USP3: variants seen among roughly 807,000 people sequenced by gnomAD.
USP3 encodes the protein ubiquitin specific peptidase 3.
USP3 carries 20 observed loss-of-function variants against 72.3 expected under a neutral mutation model. The observed-to-expected ratio is 0.28, with a 90% confidence interval of 0.19 to 0.40. The LOEUF (loss-of-function observed/expected upper bound fraction) is 0.40, where lower values mean the gene tolerates loss of function less well. USP3 is among the 10% of genes least tolerant of loss of function. The pLI is 1.00. For synonymous variants in USP3, 222 were observed against 225.3 expected, an observed-to-expected ratio of 0.99 and a Z score of 0.13; for missense variants, 479 against 633.9, an observed-to-expected ratio of 0.76 and a Z score of 2.62.
chr15:63,539,250 T>A (rs2152662807), intron 3 of USP3, among the ~76,000 whole-genome samples: 1 of 152,312 alleles, frequency 6.6e-6, no homozygotes, highest in Admixed American at 6.5e-5. Flanking sequence ...GAAGTATCTG[T>A]CTCACATTGT....
rs56410100 is a variant in USP3, at chr15:63,529,322, A to G, written c.92-3325A>G. On this transcript the variant is annotated intron_variant, in intron 1 of 14. Coordinates refer to ENST00000380324, the MANE Select transcript of USP3 (RefSeq NM_006537.4). This position sits in a 1 kb window ranked among gnomAD's most constrained non-coding sequence, Gnocchi z 4.2. ...TATCTGTCTGTCTAATTGATGCACA[A>G]TTCACATAACATAAAGTTAACCATC... Among the ~76,000 whole-genome samples, 2,170 of 152,176 alleles carry G rather than the reference A, an allele frequency of 0.014. 54 individuals carry two copies. The highest frequency in any genetic ancestry group is 0.05 in the African/African-American group (2,062 of 41,504).
At chr15:63,559,423 T>C (rs2066567721) in intron 6 of USP3, among the ~76,000 whole-genome samples, 1 of 152,240 alleles carries the variant, frequency 6.6e-6, no homozygotes, top group African/African-American at 2.4e-5. Context: ...CTCTTCTTGC[T>C]CAAAGAGGAA....
chr15:63,546,004 C>T (rs1173986537), intron 3 of USP3, among the ~76,000 whole-genome samples: 2 of 140,504 alleles, frequency 1.4e-5, no homozygotes, highest in African/African-American at 2.7e-5. Context: ...AACAGTAGAG[C>T]TCATCTTTTC....
chr15:63,583,979 C>G (rs747618894), intron 11 of USP3, among the ~76,000 whole-genome samples: 1 of 151,984 alleles, frequency 6.6e-6, no homozygotes, highest in Non-Finnish European at 1.5e-5. Flanking sequence ...TGGGTATATA[C>G]CTAAGAGTGG....
intron 11 of USP3, among the ~76,000 whole-genome samples, chr15:63,579,048 CA>C (rs2066911764): frequency 6.6e-6 from 1 of 152,080 alleles, no homozygotes; most frequent in African/African-American, 2.4e-5. Context: ...AAAGTTCAGG[CA>C]AAAAGCCAGC....
rs1209572173 is a variant in USP3 at position 63,594,414 on chromosome 15, T to G, written c.*3588T>G. The G allele has an allele frequency of 6.6e-6, 1 of 152,228 alleles. No individual in the cohort carries two copies. Among genetic ancestry groups the G allele is most frequent in the African/African-American group, 2.4e-5 (1 of 41,428 alleles). 9.4% of individuals were successfully genotyped at this position (152,228 alleles called of 1,614,324 possible). A position where few individuals can be genotyped will look rare whatever the true frequency, so the allele number is the denominator to read the frequency against. ...CTCTGCGTCTCGTCAGTGGGTGCAG[T>G]GCCTTCCCCCTCAGGTGTGAGCGTG... On this transcript the variant is annotated 3_prime_UTR_variant, in exon 15 of 15. Coordinates refer to ENST00000380324, the MANE Select transcript of USP3 (RefSeq NM_006537.4).
intron 7 of USP3, among the ~76,000 whole-genome samples, chr15:63,560,367 G>C (rs2066587915): frequency 6.7e-6 from 1 of 149,708 alleles, no homozygotes; most frequent in African/African-American, 2.5e-5. Flanking sequence ...GGTGAGCCGA[G>C]ATCGCGCCAC....
chr15:63,509,581 CT>C (rs1004521651), intron 1 of USP3, among the ~76,000 whole-genome samples: 11 of 152,226 alleles, frequency 7.2e-5, no homozygotes, highest in African/African-American at 2.4e-4. Flanking sequence ...ACAGGTGATA[CT>C]TTTTTCACAT....
At chr15:63,537,628 C>T (rs1028274089) in intron 3 of USP3, among the ~76,000 whole-genome samples, 4 of 152,182 alleles carry the variant, frequency 2.6e-5, no homozygotes, top group Admixed American at 1.3e-4. Context: ...CAGTTCCACG[C>T]TCCTCTTCTA....
At chr15:63,520,676 G>T (rs1294979212) in intron 1 of USP3, among the ~76,000 whole-genome samples, 4 of 146,060 alleles carry the variant, frequency 2.7e-5, no homozygotes, top group African/African-American at 7.7e-5. Flanking sequence ...CGATTCTCCT[G>T]CCTCAGCCTC....
intron 3 of USP3, among the ~76,000 whole-genome samples, chr15:63,552,700 T>C (rs1420987914): frequency 2.0e-5 from 3 of 152,184 alleles, no homozygotes; most frequent in African/African-American, 7.2e-5. Context: ...TTGTGTAATC[T>C]TCTAAAATTA....
At chr15:63,532,517 C>A in intron 1 of USP3, 130 bp from the exon 2 acceptor site, 1 of 1,052,316 alleles carries the variant, frequency 9.5e-7, no homozygotes, top group Non-Finnish European at 1.5e-6. Context: ...AATGCATTCA[C>A]AAAGCACGGA....
chr15:63,535,121 G>T (rs2152660438), intron 2 of USP3, among the ~76,000 whole-genome samples: 1 of 152,138 alleles, frequency 6.6e-6, no homozygotes, highest in Non-Finnish European at 1.5e-5. Flanking sequence ...AGTAGAGATG[G>T]GGTTTCACCA....
chr15:63,575,489 C>T (rs1019468769), intron 11 of USP3, among the ~76,000 whole-genome samples: 1 of 152,056 alleles, frequency 6.6e-6, no homozygotes, highest in Non-Finnish European at 1.5e-5. Flanking sequence ...TTGCTCAGGT[C>T]GTTTCTAGAA....
At chr15:63,556,871 G>A (rs2066518785) in intron 5 of USP3, 123 bp downstream of exon 5, 1 of 763,274 alleles carries the variant, frequency 1.3e-6, no homozygotes, top group African/African-American at 1.8e-5. Flanking sequence ...TGGATTTGGA[G>A]TATTTTACAC....
chr15:63,550,952 T>A (rs2152668842), intron 3 of USP3, among the ~76,000 whole-genome samples: 1 of 152,260 alleles, frequency 6.6e-6, no homozygotes, highest in South Asian at 2.1e-4. Flanking sequence ...AGGCCAGGAA[T>A]TTGAGACCAG....
chr15:63,570,557 T>C lies in USP3; in HGVS notation c.886T>C (p.Ser296Pro). The C allele has an allele frequency of 1.2e-6, 2 of 1,613,406 alleles. No individual in the cohort carries two copies. Among genetic ancestry groups the C allele is most frequent in the Non-Finnish European group, 1.7e-6 (2 of 1,179,670 alleles). ...SAILQENSTL[S>P]ASNKCCINGA... is the part of the protein sequence containing the mutation. ...AATTCTGCAGGAGAATTCTACTCTGTCTGCAAGTAACAAGTGTTGCATGTA... is the reference window on the plus strand; with the variant it reads ...AATTCTGCAGGAGAATTCTACTCTGCCTGCAAGTAACAAGTGTTGCATGTA... The change falls in exon 9 of 15, where the codon TCT (serine) becomes CCT (proline). Residue 296 changes from serine (S) to proline (P), a missense_variant. Ser to Pro is a moderately conservative substitution (Grantham distance 74). Transcript: ENST00000380324. This position sits in a 1 kb window ranked among gnomAD's most constrained non-coding sequence, Gnocchi z 4.4.
intron 11 of USP3, among the ~76,000 whole-genome samples, chr15:63,577,944 A>G (rs1041836808): frequency 2.6e-5 from 4 of 151,092 alleles, no homozygotes; most frequent in South Asian, 2.1e-4. Context: ...AAAAAAAAAA[A>G]AAGTCCAAAT....
chr15:63,582,489 G>T (rs2066981443), intron 11 of USP3, among the ~76,000 whole-genome samples: 1 of 152,110 alleles, frequency 6.6e-6, no homozygotes, highest in Non-Finnish European at 1.5e-5. Flanking sequence ...TTTTTAAACT[G>T]AGGGTTTGAA....
Sources: gnomAD v4.1 joint callset for allele counts (sites outside exome capture counted in the v4.1 genomes callset) on GRCh38, gnomAD v4.1.1 for gene constraint, Gnocchi (gnomAD v3.1) non-coding constraint, MANE v1.5 for transcripts, NCBI Gene and HGNC (gene_info 2026-07-23, HGNC 2026-07-21) for gene names.